Variants in CFAP54 observed in about 807,000 individuals in gnomAD.
The protein encoded by CFAP54 is cilia- and flagella-associated protein 54.
A neutral mutation model predicts 370.4 loss-of-function variants in CFAP54; 290 were observed. That is an observed-to-expected ratio of 0.78 (90% CI 0.71 to 0.86). CFAP54 has a LOEUF of 0.86. Among genes scored for constraint, CFAP54 ranks in the 40% least tolerant of loss-of-function variants. CFAP54 has a pLI of 0.00. For missense variants in CFAP54, 3,399 were observed against 3,528.7 expected (o/e 0.96, Z 0.93); for synonymous variants, 1,206 against 1,236.5 (o/e 0.98, Z 0.52).
At chr12:96,530,280 A>G (rs1955427937) in intron 9 of CFAP54, among the ~76,000 whole-genome samples, 4 of 152,244 alleles carry the variant, frequency 2.6e-5, no homozygotes, top group Non-Finnish European at 5.9e-5. Flanking sequence ...CCTTGAGCCC[A>G]GGAGTTCAAG....
chr12:96,806,598 A>G (rs1019312362), intron 63 of CFAP54, among the ~76,000 whole-genome samples: 1 of 152,096 alleles, frequency 6.6e-6, no homozygotes, highest in African/African-American at 2.4e-5. Context: ...ATACTGAAGG[A>G]AGACTTAGGG....
intron 27 of CFAP54, among the ~76,000 whole-genome samples, chr12:96,622,757 A>G (rs1823172854): frequency 6.6e-6 from 1 of 152,242 alleles, no homozygotes; most frequent in South Asian, 2.1e-4. Flanking sequence ...GAGTAGCTCC[A>G]TTTCTATCTC....
rs116154409 is a variant in CFAP54, at chr12:96,823,530, C to T, written c.9097-5484C>T. Among the ~76,000 whole-genome samples, 981 of 152,254 alleles carry T rather than the reference C, an allele frequency of 6.4e-3. 11 individuals are homozygous for T. The highest frequency in any genetic ancestry group is 0.022 in the African/African-American group (924 of 41,532). On this transcript the variant is annotated intron_variant, in intron 65 of 67. Coordinates refer to ENST00000524981, the MANE Select transcript of CFAP54 (RefSeq NM_001306084.2). Reference sequence around the variant, plus strand: ...CAGGAAACAATAAGATCTGTTGTGGCAGAAGTACAGGGTGAATGTAGTGGG... The same window carrying T: ...CAGGAAACAATAAGATCTGTTGTGGTAGAAGTACAGGGTGAATGTAGTGGG...
At chr12:96,732,227 A>G (rs1192543624) in intron 50 of CFAP54, among the ~76,000 whole-genome samples, 3 of 152,074 alleles carry the variant, frequency 2.0e-5, no homozygotes, top group Admixed American at 6.5e-5. Context: ...CTGGGTTCAA[A>G]TGATTCTCCT....
At chr12:96,823,779 G>A (rs1347692930) in intron 65 of CFAP54, among the ~76,000 whole-genome samples, 2 of 152,184 alleles carry the variant, frequency 1.3e-5, no homozygotes, top group Admixed American at 1.3e-4. Context: ...GTAAGAGAGG[G>A]CTGTGGGAAA....
intron 33 of CFAP54, chr12:96,645,737 G>A (rs1956781231): frequency 6.6e-6 from 1 of 152,260 alleles, no homozygotes; most frequent in East Asian, 1.9e-4. Flanking sequence ...GCATGGTACT[G>A]GTACCAAAAC....
chr12:96,787,359 T>G (rs1304075543), intron 62 of CFAP54, among the ~76,000 whole-genome samples: 3 of 152,214 alleles, frequency 2.0e-5, no homozygotes, highest in Non-Finnish European at 4.4e-5. Flanking sequence ...CACTTTAAAA[T>G]AAATTAAAAG....
intron 63 of CFAP54, among the ~76,000 whole-genome samples, chr12:96,798,335 C>T (rs933102257): frequency 1.3e-5 from 2 of 151,966 alleles, no homozygotes; most frequent in African/African-American, 2.4e-5. Flanking sequence ...ATTGCCTGTA[C>T]ATGTCATTAT....
intron 62 of CFAP54, among the ~76,000 whole-genome samples, chr12:96,791,191 T>C (rs1958689000): frequency 6.6e-6 from 1 of 151,792 alleles, no homozygotes; most frequent in South Asian, 2.1e-4. Flanking sequence ...ACGCTTTTTT[T>C]TTTTTTTTTT....
chr12:96,496,573 G>A, intron 1 of CFAP54, among the ~76,000 whole-genome samples: 1 of 152,114 alleles, frequency 6.6e-6, no homozygotes, highest in East Asian at 1.9e-4. Context: ...TTCTTGTAGG[G>A]ACATTAATTC....
intron 11 of CFAP54, among the ~76,000 whole-genome samples, chr12:96,535,119 C>T (rs1405883553): frequency 7.3e-5 from 11 of 151,410 alleles, no homozygotes; most frequent in Admixed American, 2.0e-4. Context: ...AGTGCAGTGG[C>T]ATGATCTTGG....
At chr12:96,540,131 C>G (rs1430619408) in intron 13 of CFAP54, 1 of 152,062 alleles carries the variant, frequency 6.6e-6, no homozygotes, top group Non-Finnish European at 1.5e-5. Flanking sequence ...GAGACAGAGA[C>G]TCGCTCTTTT....
chr12:96,585,630 T>G (rs776460194), intron 22 of CFAP54, among the ~76,000 whole-genome samples: 2 of 152,158 alleles, frequency 1.3e-5, no homozygotes. Flanking sequence ...CTGCAACTTG[T>G]TTTTAAACCT....
At chr12:96,664,802 T>G (rs1280851154) in intron 39 of CFAP54, among the ~76,000 whole-genome samples, 407 of 39,990 alleles carry the variant, frequency 0.01, 24 homozygotes, top group African/African-American at 0.048. Context: ...TATATATATA[T>G]ATATATATAT....
chr12:96,598,975 C>A (rs1036425589), intron 26 of CFAP54, among the ~76,000 whole-genome samples: 2 of 151,816 alleles, frequency 1.3e-5, no homozygotes, highest in Non-Finnish European at 2.9e-5. Context: ...CAAACTAAAA[C>A]TTGATGTTAT....
At chr12:96,540,678 T>C (rs544447376) in intron 13 of CFAP54, among the ~76,000 whole-genome samples, 159 bp from the exon 14 acceptor site, 38 of 152,372 alleles carry the variant, frequency 2.5e-4, no homozygotes, top group Non-Finnish European at 4.0e-4. Context: ...AGTTTTATGT[T>C]ATTTATAATT....
chr12:96,679,582 G>A lies in CFAP54; in HGVS notation c.5564-18G>A, dbSNP rs775208386. On this transcript the variant is annotated intron_variant, in intron 39 of 67. Transcript: ENST00000524981. ...TGCAGCATTTCATCCCCAATATTCC[G>A]CTTTTCTTTCCTTTCAGAATACAGC... The A allele has an allele frequency of 2.7e-5, 44 of 1,601,270 alleles. No individual in the cohort carries two copies. The highest frequency in any genetic ancestry group is 4.0e-5 in the African/African-American group (3 of 74,308).
chr12:96,742,950 T>TG (rs1958068877), intron 52 of CFAP54, among the ~76,000 whole-genome samples: 1 of 152,224 alleles, frequency 6.6e-6, no homozygotes, highest in African/African-American at 2.4e-5. Context: ...AGCCTTTCTT[T>TG]GCCAAGTCTC....
At chr12:96,688,635 CTT>C (rs1175116622) in intron 42 of CFAP54, among the ~76,000 whole-genome samples, 1 of 151,944 alleles carries the variant, frequency 6.6e-6, no homozygotes, top group Non-Finnish European at 1.5e-5. Context: ...TAATTCTAGT[CTT>C]AATATGTATG....
Sources: gnomAD v4.1 joint callset for allele counts (sites outside exome capture counted in the v4.1 genomes callset) on GRCh38, gnomAD v4.1.1 for gene constraint, MANE v1.5 for transcripts, NCBI Gene and HGNC (gene_info 2026-07-23, HGNC 2026-07-21) for gene names.